Variants in PLAC1 observed in about 807,000 individuals in gnomAD.
PLAC1 encodes placenta associated 1.
For synonymous variants in PLAC1, 68 were observed against 62.1 expected (o/e 1.09, Z -0.44); for missense variants, 136 against 163.2 (o/e 0.83, Z 0.91).
chrX:134,580,931 G>A (rs1232530785), intron 2 of PLAC1, among the ~76,000 whole-genome samples: 4 of 111,675 alleles, frequency 3.6e-5, no homozygotes, highest in Middle Eastern at 4.6e-3. Context: ...ACCAGATACG[G>A]CAACCCCAAA....
intron 1 of PLAC1, among the ~76,000 whole-genome samples, chrX:134,639,331 T>C (rs761424498): frequency 8.9e-6 from 1 of 112,024 alleles, no homozygotes; most frequent in African/African-American, 3.2e-5. Flanking sequence ...TGATGAACAG[T>C]CCTTAGAGAA....
chrX:134,679,018 C>G (rs1243079403), intron 2 of PLAC1, among the ~76,000 whole-genome samples: 1 of 111,609 alleles, frequency 9.0e-6, no homozygotes, highest in Non-Finnish European at 1.9e-5. Flanking sequence ...AGGAAAGATT[C>G]TCCCCTAGAA....
intron 1 of PLAC1, among the ~76,000 whole-genome samples, chrX:134,760,054 G>A (rs187493786): frequency 4.6e-4 from 51 of 111,396 alleles, no homozygotes; most frequent in Non-Finnish European, 8.3e-4. Context: ...TATTGTACTT[G>A]GGTTATGGAC....
At chrX:134,659,200 G>A (rs762566148), upstream of PLAC1, among the ~76,000 whole-genome samples, 2 of 110,451 alleles carry the variant, frequency 1.8e-5, no homozygotes, top group African/African-American at 6.6e-5. Context: ...CATGTACCCC[G>A]GAACTTAAAA....
At chrX:134,644,021 A>G (rs1602869090) in intron 1 of PLAC1, among the ~76,000 whole-genome samples, 1 of 110,712 alleles carries the variant, frequency 9.0e-6, no homozygotes. Context: ...GTTCATAATA[A>G]CGTTTCACAC....
chrX:134,715,567 A>G (rs760757197), intron 2 of PLAC1, among the ~76,000 whole-genome samples: 1 of 110,846 alleles, frequency 9.0e-6, no homozygotes, highest in East Asian at 2.8e-4. Context: ...TTGTCAATTA[A>G]CAGAAAGACT....
At chrX:134,652,004 C>T (rs1279531469) in intron 1 of PLAC1, among the ~76,000 whole-genome samples, 7 of 111,626 alleles carry the variant, frequency 6.3e-5, no homozygotes, top group Non-Finnish European at 1.3e-4. Flanking sequence ...GTATCCCAGA[C>T]GACTGTGCTG....
At chrX:134,735,430 A>T (rs1272311107) in intron 1 of PLAC1, among the ~76,000 whole-genome samples, 1 of 88,003 alleles carries the variant, frequency 1.1e-5, no homozygotes, top group Non-Finnish European at 2.1e-5. Flanking sequence ...AAGATTTGTT[A>T]AAAAAAAAAA....
chrX:134,595,139 T>C (rs753244833), intron 2 of PLAC1, among the ~76,000 whole-genome samples: 34 of 111,087 alleles, frequency 3.1e-4, no homozygotes, highest in African/African-American at 1.1e-3. Flanking sequence ...TAGAAGAATG[T>C]TGTTTATTTT....
At position 134,617,314 on chromosome X, in the gene PLAC1, C is replaced by T. The variant is rs748500606; in HGVS notation, c.-130-15192G>A. On this transcript the variant is annotated intron_variant, in intron 1 of 2. Coordinates refer to ENST00000359237, the MANE Select transcript of PLAC1 (RefSeq NM_021796.4). Reference sequence around the variant, plus strand: ...TACTTCTTCCTTTCTTATTTGGATGCCTTTCAAAAAAGGTGTGTGGTTGCT... The same window carrying T: ...TACTTCTTCCTTTCTTATTTGGATGTCTTTCAAAAAAGGTGTGTGGTTGCT... Among the ~76,000 whole-genome samples, 3 of 111,627 alleles carry T rather than the reference C, an allele frequency of 2.7e-5. No homozygotes were observed. The South Asian group carries it at 1.1e-3, about 42-fold the overall frequency.
At chrX:134,714,978 AT>A (rs1490465226) in intron 2 of PLAC1, among the ~76,000 whole-genome samples, 3 of 111,821 alleles carry the variant, frequency 2.7e-5, no homozygotes, top group African/African-American at 9.8e-5. Flanking sequence ...AGTGCTGAAC[AT>A]TTCAGGAAGA....
intron 2 of PLAC1, among the ~76,000 whole-genome samples, chrX:134,589,756 C>A (rs2078026114): frequency 9.2e-6 from 1 of 108,539 alleles, no homozygotes; most frequent in African/African-American, 3.4e-5. Context: ...CAGTGGACCC[C>A]CAGACTCAAA....
chrX:134,568,497 T>G (rs1415576605), intron 2 of PLAC1, among the ~76,000 whole-genome samples: 1 of 112,078 alleles, frequency 8.9e-6, no homozygotes, highest in Non-Finnish European at 1.9e-5. Flanking sequence ...CTCACTGTCT[T>G]TCACTCTGCC....
At chrX:134,731,913 C>T (rs186305842) in intron 2 of PLAC1, among the ~76,000 whole-genome samples, 10 of 111,677 alleles carry the variant, frequency 9.0e-5, no homozygotes, top group Non-Finnish European at 1.3e-4. Context: ...TCCAGCTACA[C>T]GGAGGGCTGA....
Position 134,565,969 on chromosome X carries a change from A to G in PLAC1, c.*75T>C, listed in dbSNP as rs1051417334. On this transcript the variant is annotated 3_prime_UTR_variant, in exon 3 of 3. Coordinates refer to ENST00000359237, the MANE Select transcript of PLAC1 (RefSeq NM_021796.4). The stretch of plus-strand genomic sequence containing the variant: ...GTGCTCACATGAGGGTCACAAGAGC[A>G]CTTATTTGTCAGACATTTGTACACT... 3.2e-5 allele frequency: 29 copies of G among 910,011 alleles called. No homozygotes were observed. Among genetic ancestry groups the G allele is most frequent in the African/African-American group, 3.9e-5 (2 of 51,176 alleles). 75.0% of individuals were successfully genotyped at this position (910,011 alleles called of 1,213,427 possible). A position where few individuals can be genotyped will look rare whatever the true frequency, so the allele number is the denominator to read the frequency against.
chrX:134,734,586 C>T (rs773638743), intron 1 of PLAC1, among the ~76,000 whole-genome samples: 1 of 112,663 alleles, frequency 8.9e-6, no homozygotes, highest in East Asian at 2.8e-4. Flanking sequence ...TAATGACTTG[C>T]TACCGCGAAC....
chrX:134,638,926 A>G (rs2078295868), intron 1 of PLAC1, among the ~76,000 whole-genome samples: 1 of 111,206 alleles, frequency 9.0e-6, no homozygotes, highest in African/African-American at 3.3e-5. Flanking sequence ...TTTGATCCTC[A>G]CACTCCTCCC....
chrX:134,721,971 T>G (rs1412998834), intron 2 of PLAC1, among the ~76,000 whole-genome samples: 1 of 112,373 alleles, frequency 8.9e-6, no homozygotes, highest in Non-Finnish European at 1.9e-5. Context: ...TGTAAAGTGG[T>G]GCAGCTACTT....
At chrX:134,624,262 A>T (rs1404946072) in intron 1 of PLAC1, among the ~76,000 whole-genome samples, 1 of 112,260 alleles carries the variant, frequency 8.9e-6, no homozygotes, top group Non-Finnish European at 1.9e-5. Context: ...TTCCATAAGC[A>T]TGAGCTTCAA....
Sources: allele counts gnomAD v4.1 joint callset (sites outside exome capture counted in the v4.1 genomes callset), GRCh38; gene constraint gnomAD v4.1.1; transcripts MANE v1.5; gene names NCBI Gene and HGNC (gene_info 2026-07-23, HGNC 2026-07-21).